Variants in POU2F1 observed in about 807,000 individuals in gnomAD.
POU2F1 encodes POU domain, class 2, transcription factor 1.
In POU2F1, 16 loss-of-function variants were observed where a neutral mutation model predicts 84.9. The ratio of observed to expected loss-of-function variants is 0.19; its 90% CI spans 0.13 to 0.29. The LOEUF (loss-of-function observed/expected upper bound fraction) is 0.29. POU2F1 is among the 10% of genes least tolerant of loss of function. The pLI, the probability that POU2F1 is intolerant of heterozygous loss-of-function variation, is 1.00. For missense variants in POU2F1, 738 were observed against 942.6 expected (o/e 0.78, Z 2.84); for synonymous variants, 368 against 368.3 (o/e 1.00, Z 0.01).
intron 1 of POU2F1, among the ~76,000 whole-genome samples, chr1:167,279,961 T>C (rs1351237787): frequency 3.3e-5 from 5 of 152,124 alleles, no homozygotes; most frequent in African/African-American, 1.2e-4. Flanking sequence ...ATCTCAGCAC[T>C]TTGGGAGGTC....
At chr1:167,354,028 C>T (rs931366181) in intron 2 of POU2F1, among the ~76,000 whole-genome samples, 2 of 152,124 alleles carry the variant, frequency 1.3e-5, no homozygotes, top group Non-Finnish European at 1.5e-5. Context: ...TATACTGTAC[C>T]ATGGATATTT....
chr1:167,310,515 T>C (rs1325738032), intron 1 of POU2F1, among the ~76,000 whole-genome samples: 2 of 151,966 alleles, frequency 1.3e-5, no homozygotes, highest in Non-Finnish European at 2.9e-5. Flanking sequence ...AGAGCTGTTA[T>C]AACAGTAAAT....
intron 1 of POU2F1, among the ~76,000 whole-genome samples, chr1:167,242,265 A>G (rs1279064139): frequency 2.0e-5 from 3 of 152,240 alleles, no homozygotes; most frequent in Non-Finnish European, 4.4e-5. Context: ...CGGCCTGTTT[A>G]GTGACAGTCA....
At chr1:167,407,351 C>G (rs1649654118) in intron 13 of POU2F1, among the ~76,000 whole-genome samples, 1 of 152,138 alleles carries the variant, frequency 6.6e-6, no homozygotes, top group South Asian at 2.1e-4. Flanking sequence ...TTTATAGATT[C>G]AACAAAATCA....
intron 1 of POU2F1, among the ~76,000 whole-genome samples, chr1:167,317,181 C>T (rs980804981): frequency 6.6e-6 from 1 of 152,204 alleles, no homozygotes; most frequent in Non-Finnish European, 1.5e-5. Flanking sequence ...GCATGAGCCA[C>T]CGTGCCTGGC....
At chr1:167,230,844 T>C (rs981563785) in intron 1 of POU2F1, among the ~76,000 whole-genome samples, 1 of 152,234 alleles carries the variant, frequency 6.6e-6, no homozygotes, top group Non-Finnish European at 1.5e-5. Context: ...AATGCTTGGT[T>C]GATGGACTTA....
At chr1:167,346,591 A>G (rs565324933) in intron 2 of POU2F1, among the ~76,000 whole-genome samples, 9 of 152,298 alleles carry the variant, frequency 5.9e-5, no homozygotes, top group East Asian at 1.9e-4. Flanking sequence ...CTCATAAGGA[A>G]TGCACCACCT....
At position 167,381,727 on chromosome 1, in the gene POU2F1, C is replaced by T. The variant is rs369579367; in HGVS notation, c.719-2130C>T. On this transcript the variant is annotated intron_variant, in intron 7 of 15. Transcript: ENST00000367866. ...CTGGGTTCAAGCAATTCTCTTGCCT[C>T]GCCTCCCGAGTAGCTGGGATTATAG... 1.3e-4 allele frequency among the ~76,000 whole-genome samples: 19 copies of T among 149,974 alleles called. No homozygotes were observed. In the South Asian group the frequency reaches 2.7e-3, roughly 22 times the overall value.
At chr1:167,395,685 G>A (rs537664310) in intron 9 of POU2F1, among the ~76,000 whole-genome samples, 140 of 151,800 alleles carry the variant, frequency 9.2e-4, no homozygotes, top group African/African-American at 2.9e-3. Flanking sequence ...GCTTGCTACC[G>A]CCTTGACCTC....
chr1:167,267,919 G>C (rs1652094941), intron 1 of POU2F1, among the ~76,000 whole-genome samples: 1 of 151,996 alleles, frequency 6.6e-6, no homozygotes. Flanking sequence ...GGGATTACAG[G>C]TGTGAGCCAC....
At chr1:167,329,997 G>A (rs112256648) in intron 1 of POU2F1, among the ~76,000 whole-genome samples, 5 of 152,234 alleles carry the variant, frequency 3.3e-5, no homozygotes, top group African/African-American at 1.2e-4. Context: ...AAGATGTCCA[G>A]CTTAAATTTG....
intron 2 of POU2F1, among the ~76,000 whole-genome samples, chr1:167,333,580 C>T (rs1417744403): frequency 1.3e-5 from 2 of 152,176 alleles, no homozygotes; most frequent in South Asian, 2.1e-4. Context: ...GCTGTAAACT[C>T]TCCTATACCT....
chr1:167,286,862 C>T (rs1185448688), intron 1 of POU2F1, among the ~76,000 whole-genome samples: 3 of 152,154 alleles, frequency 2.0e-5, no homozygotes, highest in Non-Finnish European at 4.4e-5. Context: ...TACAAATGTC[C>T]ATAACATTCG....
In POU2F1 at chr1:167,425,216, G is replaced by A. The variant is rs1650884558; in HGVS notation, c.*9406G>A. 6.6e-6 allele frequency: 1 copy of A among 151,930 alleles called. No homozygotes were observed. Among genetic ancestry groups the A allele is most frequent in the African/African-American group, 2.4e-5 (1 of 41,276 alleles). 9.4% of individuals were successfully genotyped at this position (151,930 alleles called of 1,614,324 possible). ...ATACTGCTGCTATAAGCCAGGGGAG[G>A]GTGGTTTCTTTGTTTTGTTTTGTTT... On this transcript the variant is annotated 3_prime_UTR_variant, in exon 16 of 16. Transcript: ENST00000367866.
intron 1 of POU2F1, among the ~76,000 whole-genome samples, chr1:167,323,320 C>A (rs1036105376): frequency 5.3e-5 from 8 of 152,052 alleles, no homozygotes; most frequent in African/African-American, 1.9e-4. Context: ...GCTTTTACAA[C>A]CAAGAAATTC....
intron 9 of POU2F1, among the ~76,000 whole-genome samples, chr1:167,392,021 C>T (rs570278065): frequency 1.3e-5 from 2 of 152,062 alleles, no homozygotes; most frequent in Non-Finnish European, 2.9e-5. Flanking sequence ...CATTTTAATA[C>T]TTTCAAAGCA....
At chr1:167,410,486 A>G (rs1649877639) in intron 13 of POU2F1, among the ~76,000 whole-genome samples, 2 of 152,178 alleles carry the variant, frequency 1.3e-5, no homozygotes, top group Admixed American at 6.5e-5. Flanking sequence ...GAAGCTTGGT[A>G]AAAGATTTCA....
intron 14 of POU2F1, among the ~76,000 whole-genome samples, chr1:167,412,659 A>T (rs1276218501): frequency 5.9e-5 from 9 of 152,208 alleles, no homozygotes; most frequent in Admixed American, 1.3e-4. Flanking sequence ...AGCATAGATA[A>T]GAGATGTAAT....
chr1:167,324,065 ATTAAG>A (rs901778895), intron 1 of POU2F1, among the ~76,000 whole-genome samples: 16 of 152,220 alleles, frequency 1.1e-4, no homozygotes, highest in Non-Finnish European at 4.4e-5. Flanking sequence ...TTCTGTGAAA[ATTAAG>A]TTAAATGCTT....
Sources: gnomAD v4.1 joint callset for allele counts (sites outside exome capture counted in the v4.1 genomes callset) on GRCh38, gnomAD v4.1.1 for gene constraint, MANE v1.5 for transcripts, NCBI Gene and HGNC (gene_info 2026-07-23, HGNC 2026-07-21) for gene names.